GFAP: variants seen among roughly 807,000 people sequenced by gnomAD.
The protein encoded by GFAP is intermediate filament protein.
Under a neutral mutation model 49.3 loss-of-function variants are expected in GFAP, and 38 were observed. The ratio of observed to expected loss-of-function variants is 0.77; its 90% CI spans 0.60 to 1.01. The LOEUF (loss-of-function observed/expected upper bound fraction) is 1.01, where lower values mean the gene tolerates loss of function less well. GFAP is among the 50% of genes least tolerant of loss of function. GFAP has a pLI of 0.00. For synonymous variants in GFAP, 222 were observed against 236.4 expected, an observed-to-expected ratio of 0.94 and a Z score of 0.56; for missense variants, 463 against 579.1, an observed-to-expected ratio of 0.80 and a Z score of 2.06.
Position 44,903,729 on chromosome 17 carries a change from C to A in GFAP, c.*3618G>T. The A allele has an allele frequency of 1.4e-6, 2 of 1,448,200 alleles. No individual in the cohort carries two copies. The highest frequency in any genetic ancestry group is 1.8e-6 in the Non-Finnish European group (2 of 1,103,906). The allele number at this position is 1,448,200 out of a possible 1,614,324, so 89.7% of individuals were successfully genotyped here. A position where few individuals can be genotyped will look rare whatever the true frequency, so the allele number is the denominator to read the frequency against. The stretch of plus-strand genomic sequence containing the variant: ...GCTTTTCCTGGCTGCATAATCCTTT[C>A]CTCATCTAGAGGCTTCCGCTTAGCA... On this transcript the variant is annotated 3_prime_UTR_variant, in exon 9 of 9. Coordinates refer to ENST00000588735, the MANE Select transcript of GFAP (RefSeq NM_002055.5).
chr17:44,904,678 T>TG lies in GFAP; in HGVS notation c.*2668dup. ...AGTTCCACCAGCAGAGACTGGGCCA[T>TG]GGACTCATCATCTCCTGTCCTGGGG... On this transcript the variant is annotated 3_prime_UTR_variant, in exon 9 of 9. Coordinates refer to ENST00000588735, the MANE Select transcript of GFAP (RefSeq NM_002055.5). 1 of 1,550,576 alleles carries TG rather than the reference T, an allele frequency of 6.4e-7. No homozygotes were observed.
rs192980123 is a variant in GFAP at position 44,903,282 on chromosome 17, C to A, written c.*4065G>T. ...ATCAACAAATGATCAAATACTACATCATTTGAGGTGTTGAATTTTCCCCTA... is the reference window on the plus strand; with the variant it reads ...ATCAACAAATGATCAAATACTACATAATTTGAGGTGTTGAATTTTCCCCTA... On this transcript the variant is annotated 3_prime_UTR_variant, in exon 9 of 9. Coordinates refer to ENST00000588735, the MANE Select transcript of GFAP (RefSeq NM_002055.5). The A allele has an allele frequency of 3.2e-5, 40 of 1,247,494 alleles. No individual in the cohort carries two copies. Among genetic ancestry groups the A allele is most frequent in the Non-Finnish European group, 2.0e-6 (2 of 996,940 alleles). The allele number at this position is 1,247,494 out of a possible 1,614,324, so 77.3% of individuals were successfully genotyped here. A position where few individuals can be genotyped will look rare whatever the true frequency, so the allele number is the denominator to read the frequency against.
chr17:44,910,897 G>A, intron 6 of GFAP: 2 of 624,168 alleles, frequency 3.2e-6, no homozygotes, highest in Non-Finnish European at 5.6e-6. Context: ...GGAAAAGGGA[G>A]GGGAAAGTGG....
chr17:44,907,557 T>G (rs534734898), intron 8 of GFAP, 169 bp from the exon 9 acceptor site: 87 of 688,904 alleles, frequency 1.3e-4, no homozygotes, highest in African/African-American at 1.2e-3. Context: ...GGTGGTGAGA[T>G]AACACTGGGA....
Position 44,903,985 on chromosome 17 carries a change from C to T in GFAP, c.*3362G>A, listed in dbSNP as rs533781971. 5 of 1,550,668 alleles carry T rather than the reference C, an allele frequency of 3.2e-6. No homozygotes were observed. Among genetic ancestry groups the T allele is most frequent in the African/African-American group, 2.7e-5 (2 of 73,184 alleles). Reference sequence around the variant, plus strand: ...TGGCCGACATGAGCTTTGAGCTTCCCTGTCACTGCAAACCCGAAGAGGTGC... The same window carrying T: ...TGGCCGACATGAGCTTTGAGCTTCCTTGTCACTGCAAACCCGAAGAGGTGC... On this transcript the variant is annotated 3_prime_UTR_variant, in exon 9 of 9. Transcript: ENST00000588735.
intron 4 of GFAP, among the ~76,000 whole-genome samples, chr17:44,912,028 A>G (rs1266612107): frequency 6.6e-6 from 1 of 152,268 alleles, no homozygotes; most frequent in African/African-American, 2.4e-5. Context: ...CACAGAATCC[A>G]GAACCTTCCA....
At position 44,905,248 on chromosome 17, in the gene GFAP, G is replaced by A. The variant is rs1449566129; in HGVS notation, c.*2099C>T. ...TGGGACCTGATCTGAGAAGTGGAGG[G>A]GCCTGAGGCTGGTGGGAGATTGGGG... On this transcript the variant is annotated 3_prime_UTR_variant, in exon 9 of 9. Transcript: ENST00000588735. 1 of 607,912 alleles carries A rather than the reference G, an allele frequency of 1.6e-6. No individual in the cohort carries two copies. The highest frequency in any genetic ancestry group is 3.0e-6 in the Non-Finnish European group (1 of 337,720). 37.7% of individuals were successfully genotyped at this position (607,912 alleles called of 1,614,324 possible). A position where few individuals can be genotyped will look rare whatever the true frequency, so the allele number is the denominator to read the frequency against.
chr17:44,908,055 C>T lies in GFAP; in HGVS notation c.1257+9G>A. On this transcript the variant is annotated intron_variant, in intron 8 of 8. Transcript: ENST00000588735. The stretch of plus-strand genomic sequence containing the variant: ...GCCAGAGCCTGACTGGGCCCAAATC[C>T]CTCCTTACCTCTCCATCCCGCATCT... The T allele has an allele frequency of 2.5e-6, 4 of 1,593,830 alleles. No homozygotes were observed. In the Middle Eastern group the frequency reaches 5.0e-4, roughly 199 times the overall value.
intron 7 of GFAP, chr17:44,910,062 G>A (rs2051721624): frequency 6.2e-6 from 10 of 1,610,712 alleles, no homozygotes; most frequent in East Asian, 4.5e-5. Flanking sequence ...AACTCAGGGG[G>A]ATTGGGAGGA....
Position 44,905,063 on chromosome 17 carries a change from T to TC in GFAP, c.*2283dup, listed in dbSNP as rs769739189. The TC allele has an allele frequency of 1.9e-6, 3 of 1,539,178 alleles. No homozygotes were observed. The highest frequency in any genetic ancestry group is 4.9e-5 in the East Asian group (2 of 40,784). ...CTTATTTCACTGTTGTCCCAGCTTC[T>TC]CCCCCTAGGAGCTCTCTTCAGCTCT... On this transcript the variant is annotated 3_prime_UTR_variant, in exon 9 of 9. Coordinates refer to ENST00000588735, the MANE Select transcript of GFAP (RefSeq NM_002055.5).
chr17:44,909,614 C>CT (rs201287585), intron 7 of GFAP: 19,863 of 129,370 alleles, frequency 0.15, 1,776 homozygotes, highest in South Asian at 0.19. Context: ...TAATTTAGCT[C>CT]CCCCCTCCCC....
At chr17:44,908,585 G>C (rs1259765388) in intron 7 of GFAP, 2 of 156,328 alleles carry the variant, frequency 1.3e-5, no homozygotes, top group Non-Finnish European at 2.8e-5. Context: ...AATAGGCCAG[G>C]CATGGTGGCT....
intron 4 of GFAP, among the ~76,000 whole-genome samples, chr17:44,912,123 T>G (rs746041528): frequency 2.7e-4 from 40 of 150,902 alleles, no homozygotes; most frequent in Non-Finnish European, 5.0e-4. Flanking sequence ...TGTTTTTTTG[T>G]TTTTTTTGTT....
Position 44,913,790 on chromosome 17 carries a change from G to C in GFAP, c.556C>G (p.Leu186Val). 6.2e-7 allele frequency: 1 copy of C among 1,614,116 alleles called. No individual in the cohort carries two copies. Among genetic ancestry groups the C allele is most frequent in the Non-Finnish European group, 8.5e-7 (1 of 1,179,996 alleles). Residue 186 changes from leucine to valine, a missense_variant, in exon 3 of 9, where the codon CTG (leucine) becomes GTG (valine). Leu to Val is a conservative substitution (Grantham distance 32). Around this residue, in one of 3 missense-constraint regions of GFAP, gnomAD observed 362 missense variants for 445.5 expected, o/e 0.81. Coordinates refer to ENST00000588735, the MANE Select transcript of GFAP (RefSeq NM_002055.5). ...TCCAGCGACTCAATCTTCCTCTCCA[G>C]ATCCAGACGGGCCAGGGTGGCTTCA... ...ADEATLARLD[L>V]ERKIESLEEE...
chr17:44,904,412 C>A lies in GFAP; in HGVS notation c.*2935G>T. ...GCAGTGGCGCATCGGCCTCTGCTAC[C>A]TGCAGAGCCCAGACCTCTCCCCACG... On this transcript the variant is annotated 3_prime_UTR_variant, in exon 9 of 9. Coordinates refer to ENST00000588735, the MANE Select transcript of GFAP (RefSeq NM_002055.5). 1.3e-6 allele frequency: 2 copies of A among 1,542,432 alleles called. No individual in the cohort carries two copies. Among genetic ancestry groups the A allele is most frequent in the African/African-American group, 2.7e-5 (2 of 72,990 alleles).
At position 44,903,190 on chromosome 17, in the gene GFAP, A is replaced by G. The variant is rs2051591782; in HGVS notation, c.*4157T>C. ...GGAAAAAGCAAAATCTTTATGGTAA[A>G]CAAACACTGATCTCCACAGCTCTTA... On this transcript the variant is annotated 3_prime_UTR_variant, in exon 9 of 9. Coordinates refer to ENST00000588735, the MANE Select transcript of GFAP (RefSeq NM_002055.5). 2 of 1,269,104 alleles carry G rather than the reference A, an allele frequency of 1.6e-6. No individual in the cohort carries two copies. The highest frequency in any genetic ancestry group is 2.0e-6 in the Non-Finnish European group (2 of 1,009,962). The allele number at this position is 1,269,104 out of a possible 1,614,324, so 78.6% of individuals were successfully genotyped here.
rs2051662547 is a variant in GFAP at position 44,907,045 on chromosome 17, C to G, written c.*302G>C. 1 of 514,606 alleles carries G rather than the reference C, an allele frequency of 1.9e-6. No homozygotes were observed. The highest frequency in any genetic ancestry group is 1.9e-5 in the African/African-American group (1 of 52,102). 31.9% of individuals were successfully genotyped at this position (514,606 alleles called of 1,614,324 possible). On this transcript the variant is annotated 3_prime_UTR_variant, in exon 9 of 9. Transcript: ENST00000588735. ...TGTAGTAGGTGCCCCCCGCCCTCCT[C>G]CCCTTCTCTCCTTCCTCCTCATTCT...
At chr17:44,914,966 CCTT>C (rs2051871996) in intron 1 of GFAP, 57 bp downstream of exon 1, 1 of 1,477,604 alleles carries the variant, frequency 6.8e-7, no homozygotes, top group Admixed American at 1.8e-5. Flanking sequence ...CTCGGGCACT[CCTT>C]CTTGGGGATT....
rs547934341 is a variant in GFAP, at chr17:44,913,399, C to T, written c.650G>A (p.Arg217Gln). 44 of 1,614,164 alleles carry T rather than the reference C, an allele frequency of 2.7e-5. No homozygotes were observed. The highest frequency in any genetic ancestry group is 4.5e-5 in the East Asian group (2 of 44,876). Residue 217 changes from arginine (R) to glutamine (Q), a missense_variant, in exon 4 of 9, where the codon CGA (arginine) becomes CAA (glutamine). Physicochemically the swap from Arg to Gln is conservative, Grantham distance 43. This residue lies in a region of GFAP where 362 missense variants were observed against 445.5 expected (regional missense o/e 0.81). Coordinates refer to ENST00000588735, the MANE Select transcript of GFAP (RefSeq NM_002055.5). ...GTCAAGCTCCACATGGACCTGCTGT[C>T]GGGCCAGCTGCTCCTGGAGTTCCCG... is the stretch of plus-strand genomic sequence containing the variant. ...EVRELQEQLA[R>Q]QQVHVELDVA... is the part of the protein sequence containing the mutation.
Sources: gnomAD v4.1 joint callset for allele counts (sites outside exome capture counted in the v4.1 genomes callset) on GRCh38, gnomAD v4.1.1 for gene constraint, gnomAD v4.1.1 regional missense constraint, MANE v1.5 for transcripts, NCBI Gene and HGNC (gene_info 2026-07-23, HGNC 2026-07-21) for gene names.